The following CENPE variants were observed in gnomAD, a reference collection of about 807,000 sequenced individuals.
CENPE encodes centromere-associated protein E.
A neutral mutation model predicts 336.1 loss-of-function variants in CENPE; 145 were observed. The observed-to-expected ratio is 0.43, with a 90% CI of 0.38 to 0.50. The LOEUF is 0.50. CENPE is among the 20% of genes least tolerant of loss of function. The pLI is 0.00. For missense variants in CENPE, 2,719 were observed against 3,023.3 expected (o/e 0.90, Z 2.36); for synonymous variants, 1,013 against 984.8 (o/e 1.03, Z -0.54).
At chr4:103,189,556 A>G (rs895697899) in intron 8 of CENPE, among the ~76,000 whole-genome samples, 2 of 152,230 alleles carry the variant, frequency 1.3e-5, no homozygotes, top group African/African-American at 4.8e-5. Flanking sequence ...GATTATCTCA[A>G]TAGATGCAGA....
At chr4:103,149,936 C>T (rs1043028751) in intron 26 of CENPE, among the ~76,000 whole-genome samples, 2 of 152,166 alleles carry the variant, frequency 1.3e-5, no homozygotes, top group East Asian at 1.9e-4. Flanking sequence ...ATCAAGTTTA[C>T]AGCAATTTGC....
chr4:103,193,487 C>T (rs1384488703), intron 8 of CENPE, among the ~76,000 whole-genome samples: 1 of 152,022 alleles, frequency 6.6e-6, no homozygotes. Flanking sequence ...TCATATCCCA[C>T]ATCAAGCTAA....
At chr4:103,107,471 C>T (rs1436873969) in intron 48 of CENPE, among the ~76,000 whole-genome samples, 1 of 152,154 alleles carries the variant, frequency 6.6e-6, no homozygotes, top group African/African-American at 2.4e-5. Context: ...TCTTACTGTA[C>T]AATTTTGTTG....
intron 16 of CENPE, among the ~76,000 whole-genome samples, chr4:103,168,315 C>T (rs1055524990): frequency 1.3e-5 from 2 of 152,208 alleles, no homozygotes; most frequent in Non-Finnish European, 2.9e-5. Context: ...TTTCATGCAT[C>T]TTTCCCATAA....
intron 16 of CENPE, among the ~76,000 whole-genome samples, chr4:103,172,117 C>T (rs1275999623): frequency 2.0e-5 from 3 of 151,848 alleles, no homozygotes; most frequent in Non-Finnish European, 4.4e-5. Context: ...ACTTATTCTA[C>T]AAGGCCAGCA....
Position 103,110,908 on chromosome 4 carries a change from T to A in CENPE, c.7644A>T (p.Glu2548Asp). 6.2e-7 allele frequency: 1 copy of A among 1,612,172 alleles called. No individual in the cohort carries two copies. The highest frequency in any genetic ancestry group is 1.1e-5 in the South Asian group (1 of 90,682). Residue 2548 changes from glutamate to aspartate, a missense_variant, in exon 47 of 49, where the codon GAA becomes GAT. By Grantham distance (45) the Glu-to-Asp change is conservative (BLOSUM62 2). Around this residue, in one of 5 missense-constraint regions of CENPE, gnomAD observed 2,437 missense variants for 2,513.3 expected, o/e 0.97. Transcript: ENST00000265148. ...QNTKALILKS[E>D]HIRLEKEISK... ...AAATTTCTTTTTCTAGCCTTATATG[T>A]TCACTTTTCAAAATAAGAGCTTTTG...
intron 42 of CENPE, among the ~76,000 whole-genome samples, chr4:103,127,341 C>T (rs1392808755): frequency 6.6e-6 from 1 of 151,906 alleles, no homozygotes; most frequent in Non-Finnish European, 1.5e-5. Flanking sequence ...TAATTCTATT[C>T]CATGTAAAAT....
intron 16 of CENPE, among the ~76,000 whole-genome samples, chr4:103,172,206 C>A (rs1437472188): frequency 6.6e-6 from 1 of 151,910 alleles, no homozygotes; most frequent in Non-Finnish European, 1.5e-5. Context: ...AAACCCTGAA[C>A]AAAATACTAT....
At chr4:103,149,485 G>T in intron 26 of CENPE, 77 bp from the exon 27 acceptor site, 1 of 1,271,222 alleles carries the variant, frequency 7.9e-7, no homozygotes, top group African/African-American at 1.5e-5. Context: ...TAACAGCCTT[G>T]CCTCCTATCA....
Position 103,145,106 on chromosome 4 carries a change from C to A in CENPE, c.4801G>T (p.Ala1601Ser). Residue 1601 changes from alanine (A) to serine (S), a missense_variant, in exon 32 of 49, where the codon GCC (alanine) becomes TCC (serine). Ala to Ser is a moderately conservative substitution (Grantham distance 99, BLOSUM62 1). This residue lies in a region of CENPE where 2,437 missense variants were observed against 2,513.3 expected (regional missense o/e 0.97). Transcript: ENST00000265148. The part of the protein sequence containing the change: ...EKEEMKRVQE[A>S]LQIERDQLKE... ...AGTTGGTCTCTCTCTATCTGAAGGG[C>A]CTCCTGTACTCTTTTCATTTCCTCT... 1 of 1,595,784 alleles carries A rather than the reference C, an allele frequency of 6.3e-7. No individual in the cohort carries two copies. The highest frequency in any genetic ancestry group is 8.5e-7 in the Non-Finnish European group (1 of 1,172,430).
rs1386320081 is a variant in CENPE, at chr4:103,132,854, T to C, written c.6763A>G (p.Lys2255Glu). 6.4e-7 allele frequency: 1 copy of C among 1,554,830 alleles called. No homozygotes were observed. The highest frequency in any genetic ancestry group is 2.4e-5 in the East Asian group (1 of 42,406). The change falls in exon 42 of 49, where the codon AAG becomes GAG. Residue 2255 changes from lysine to glutamate, a missense_variant. Physicochemically the swap from Lys to Glu is moderately conservative, Grantham distance 56. Around this residue, in one of 5 missense-constraint regions of CENPE, gnomAD observed 2,437 missense variants for 2,513.3 expected, o/e 0.97. Transcript: ENST00000265148. ...CTTAGTACTTGTTGAAATTCAGTCT[T>C]TATGCTAGGGAACTCACTTTCTGAG... ...DFSESEFPSIKTEFQQVLSNR... is the reference protein window; with the variant it reads ...DFSESEFPSIETEFQQVLSNR...
At position 103,196,055 on chromosome 4, in the gene CENPE, A is replaced by G. The variant is rs1560688938; in HGVS notation, c.239-17T>C. On this transcript the variant is annotated splice_polypyrimidine_tract_variant and intron_variant, in intron 3 of 48. Transcript: ENST00000265148. Reference sequence around the variant, plus strand: ...ATATAGTACCTGCAAAAAACAAAACACACATACGCAAAGATTAAAAACAAA... The same window carrying G: ...ATATAGTACCTGCAAAAAACAAAACGCACATACGCAAAGATTAAAAACAAA... 4 of 1,598,874 alleles carry G rather than the reference A, an allele frequency of 2.5e-6. No homozygotes were observed. The highest frequency in any genetic ancestry group is 1.7e-4 in the Middle Eastern group (1 of 6,040).
chr4:103,191,391 A>G (rs557974568), intron 8 of CENPE, among the ~76,000 whole-genome samples: 26 of 152,334 alleles, frequency 1.7e-4, no homozygotes, highest in Admixed American at 1.4e-3. Flanking sequence ...AAGACTTGGA[A>G]CCAACCCAAA....
At position 103,195,328 on chromosome 4, in the gene CENPE, G is replaced by A. The variant is rs984346092; in HGVS notation, c.358-95C>T. 3.8e-6 allele frequency: 4 copies of A among 1,059,792 alleles called. No homozygotes were observed. The East Asian group carries it at 8.3e-5, about 22-fold the overall frequency. 65.6% of individuals were successfully genotyped at this position (1,059,792 alleles called of 1,614,324 possible). A position where few individuals can be genotyped will look rare whatever the true frequency, so the allele number is the denominator to read the frequency against. ...ATGTGCTTAAAGAGGTAAAATGTAT[G>A]TAAAACAAACTAAGAAACCCCTTGG... is the stretch of plus-strand genomic sequence containing the variant. On this transcript the variant is annotated intron_variant, in intron 4 of 48. Coordinates refer to ENST00000265148, the MANE Select transcript of CENPE (RefSeq NM_001813.3).
Position 103,141,750 on chromosome 4 carries a change from C to T in CENPE, c.5463G>A (p.Lys1821=), listed in dbSNP as rs750743978. ...LENSNAKLQE[K]IQELKANEHQ... ...TCAAACAATCCCCCCATAAAAATAC[C>T]TTTTCTTGTAATTTAGCATTTGAAT... Residue 1821 remains lysine (K), a splice_region_variant and synonymous_variant, in exon 35 of 49, where the codon AAG becomes AAA. Coordinates refer to ENST00000265148, the MANE Select transcript of CENPE (RefSeq NM_001813.3). 8 of 1,510,050 alleles carry T rather than the reference C, an allele frequency of 5.3e-6. No individual in the cohort carries two copies. The South Asian group carries it at 6.0e-5, about 11-fold the overall frequency. 93.5% of individuals were successfully genotyped at this position (1,510,050 alleles called of 1,614,324 possible). A position where few individuals can be genotyped will look rare whatever the true frequency, so the allele number is the denominator to read the frequency against.
intron 8 of CENPE, among the ~76,000 whole-genome samples, chr4:103,191,024 C>A (rs147922114): frequency 0.03 from 4,537 of 151,740 alleles, 220 homozygotes; most frequent in African/African-American, 0.1. Flanking sequence ...GACATTTATG[C>A]AGCCAAAAGA....
chr4:103,146,846 T>G (rs149876512), intron 29 of CENPE, among the ~76,000 whole-genome samples: 1 of 152,160 alleles, frequency 6.6e-6, no homozygotes, highest in African/African-American at 2.4e-5. Context: ...AGAAATGATG[T>G]TGACTTGGAT....
chr4:103,175,374 T>C (rs1250443127), intron 15 of CENPE, among the ~76,000 whole-genome samples: 1 of 151,472 alleles, frequency 6.6e-6, no homozygotes, highest in Non-Finnish European at 1.5e-5. Context: ...CCAGAGATTG[T>C]AAAAAAAACC....
chr4:103,168,187 C>T (rs1313105880), intron 16 of CENPE, among the ~76,000 whole-genome samples: 1 of 152,160 alleles, frequency 6.6e-6, no homozygotes, highest in Non-Finnish European at 1.5e-5. Flanking sequence ...TCCTCCATCC[C>T]ACAATAGACT....
Sources: gnomAD v4.1 joint callset for allele counts (sites outside exome capture counted in the v4.1 genomes callset) on GRCh38, gnomAD v4.1.1 for gene constraint, gnomAD v4.1.1 regional missense constraint, MANE v1.5 for transcripts, NCBI Gene and HGNC (gene_info 2026-07-23, HGNC 2026-07-21) for gene names.